The following LPP variants were observed in gnomAD, a reference collection of about 807,000 sequenced individuals.
LPP encodes the protein lipoma-preferred partner.
Under a neutral mutation model 60.4 loss-of-function variants are expected in LPP, and 38 were observed. The observed-to-expected ratio is 0.63, with a 90% CI of 0.49 to 0.83. The LOEUF is 0.83. Ranked by LOEUF, LPP falls within the 40% of genes least tolerant of loss-of-function variation. LPP has a pLI of 0.00. For missense variants in LPP, 902 were observed against 783.6 expected (o/e 1.15, Z -1.80); for synonymous variants, 328 against 290.8 (o/e 1.13, Z -1.30).
At chr3:188,701,944 C>CTTTT (rs35803152) in intron 7 of LPP, among the ~76,000 whole-genome samples, 112 of 83,584 alleles carry the variant, frequency 1.3e-3, no homozygotes, top group Non-Finnish European at 1.9e-3. Context: ...GTTTTTTTCC[C>CTTTT]TTTTTTTTTT....
intron 1 of LPP, among the ~76,000 whole-genome samples, chr3:188,168,542 A>C (rs923143200): frequency 6.6e-6 from 1 of 152,216 alleles, no homozygotes; most frequent in African/African-American, 2.4e-5. Flanking sequence ...TCATTCTTAA[A>C]TGAATAAACT....
intron 9 of LPP, among the ~76,000 whole-genome samples, chr3:188,801,083 C>A (rs1373929640): frequency 2.6e-5 from 4 of 152,078 alleles, no homozygotes; most frequent in African/African-American, 9.7e-5. Context: ...ACAGAATAGA[C>A]CAATTATTAC....
intron 7 of LPP, chr3:188,688,867 T>C (rs1428248634): frequency 5.8e-6 from 3 of 520,750 alleles, no homozygotes; most frequent in South Asian, 1.5e-5. Flanking sequence ...GGCAGGCACT[T>C]TCGTTCATCT....
At chr3:188,621,844 G>C (rs953577787) in intron 7 of LPP, among the ~76,000 whole-genome samples, 3 of 152,068 alleles carry the variant, frequency 2.0e-5, no homozygotes, top group African/African-American at 7.2e-5. Flanking sequence ...ATGTTTAGTA[G>C]AGATGGGGTT....
chr3:188,550,385 T>C (rs948076260), intron 6 of LPP, among the ~76,000 whole-genome samples: 3 of 152,014 alleles, frequency 2.0e-5, no homozygotes, highest in African/African-American at 7.2e-5. Context: ...GAGACCATCC[T>C]GGCTAACATG....
chr3:188,292,457 G>A (rs1746327030), intron 2 of LPP, among the ~76,000 whole-genome samples: 1 of 152,228 alleles, frequency 6.6e-6, no homozygotes, highest in Non-Finnish European at 1.5e-5. Flanking sequence ...ATTGCAGAGT[G>A]CCTTTATCTG....
rs1379145459 is a variant in LPP, at chr3:188,407,783, TG to T, written c.193+1471del. Among the ~76,000 whole-genome samples the T allele has an allele frequency of 2.0e-3, 122 of 61,370 alleles. 4 individuals are homozygous for T. Among genetic ancestry groups the T allele is most frequent in the African/African-American group, 3.8e-3 (75 of 19,842 alleles). The allele number at this position is 61,370 out of a possible 152,430, so 40.3% of individuals were successfully genotyped here. A position where few individuals can be genotyped will look rare whatever the true frequency, so the allele number is the denominator to read the frequency against. On this transcript the variant is annotated intron_variant, in intron 4 of 11. Coordinates refer to ENST00000617246, the MANE Select transcript of LPP (RefSeq NM_001375462.1). Reference sequence around the variant, plus strand: ...CTCATTTATGGTTTTTTTTTTTGTTTGTTTGTTTTTTTTTTTTTTTTTTTGA... The same window carrying T: ...CTCATTTATGGTTTTTTTTTTTGTTTTTTGTTTTTTTTTTTTTTTTTTTGA...
At chr3:188,280,122 T>C (rs915381292) in intron 2 of LPP, among the ~76,000 whole-genome samples, 1 of 152,188 alleles carries the variant, frequency 6.6e-6, no homozygotes, top group Non-Finnish European at 1.5e-5. Context: ...CTGCCTTTCG[T>C]TTTCAGTGAC....
chr3:188,271,373 C>T (rs1036378221), intron 2 of LPP, among the ~76,000 whole-genome samples: 3 of 152,162 alleles, frequency 2.0e-5, no homozygotes, highest in African/African-American at 7.2e-5. Context: ...GTCTGCTTCT[C>T]TCATGCATTG....
intron 7 of LPP, among the ~76,000 whole-genome samples, chr3:188,702,445 A>G (rs184007306): frequency 7.0e-4 from 105 of 150,172 alleles, no homozygotes; most frequent in African/African-American, 2.5e-3. Flanking sequence ...CTGAATTCAT[A>G]CCTGTGTTTT....
intron 9 of LPP, among the ~76,000 whole-genome samples, chr3:188,863,210 CAG>C (rs1297631153): frequency 7.2e-5 from 11 of 152,230 alleles, no homozygotes; most frequent in African/African-American, 2.4e-4. Context: ...AATACAATTA[CAG>C]AGTTTGAATT....
At chr3:188,720,958 C>A (rs1577192798) in intron 8 of LPP, among the ~76,000 whole-genome samples, 1 of 152,174 alleles carries the variant, frequency 6.6e-6, no homozygotes, top group Admixed American at 6.5e-5. Context: ...CCTCCACTGA[C>A]TCACCCTTTC....
In LPP at chr3:188,781,101, G is replaced by C. The variant is rs544000722; in HGVS notation, c.1410+20819G>C. On this transcript the variant is annotated intron_variant, in intron 9 of 11. Transcript: ENST00000617246. Reference sequence around the variant, plus strand: ...AGGAACTCACCGGGAGAAATAAAGAGGGTTTCCAGTTTATTCATTGTGTAA... The same window carrying C: ...AGGAACTCACCGGGAGAAATAAAGACGGTTTCCAGTTTATTCATTGTGTAA... 5.9e-5 allele frequency among the ~76,000 whole-genome samples: 9 copies of C among 152,330 alleles called. No individual in the cohort carries two copies. In the South Asian group the frequency reaches 1.9e-3, roughly 32 times the overall value.
At chr3:188,548,857 A>G (rs758759152) in intron 6 of LPP, among the ~76,000 whole-genome samples, 3 of 152,194 alleles carry the variant, frequency 2.0e-5, no homozygotes, top group Admixed American at 6.5e-5. Flanking sequence ...GCCCAACACT[A>G]TCAAGTGAGA....
At chr3:188,726,328 G>GTT (rs1213149612) in intron 8 of LPP, among the ~76,000 whole-genome samples, 1 of 152,088 alleles carries the variant, frequency 6.6e-6, no homozygotes, top group Non-Finnish European at 1.5e-5. Context: ...TCTATCTTGG[G>GTT]TGGGTAATGA....
chr3:188,618,371 T>C (rs1845236399), intron 7 of LPP, among the ~76,000 whole-genome samples: 2 of 152,346 alleles, frequency 1.3e-5, no homozygotes, highest in South Asian at 4.1e-4. Flanking sequence ...TTCAATCACT[T>C]ATAAAATTTA....
intron 2 of LPP, among the ~76,000 whole-genome samples, chr3:188,235,792 A>G (rs1318267746): frequency 6.6e-6 from 1 of 152,080 alleles, no homozygotes; most frequent in Non-Finnish European, 1.5e-5. Flanking sequence ...ACCATCCCCT[A>G]TTGTCAATGA....
intron 2 of LPP, among the ~76,000 whole-genome samples, chr3:188,233,876 A>C (rs1264087288): frequency 1.3e-5 from 2 of 151,892 alleles, no homozygotes; most frequent in Non-Finnish European, 2.9e-5. Context: ...GCCACCCTCC[A>C]TGGCCTCTGT....
intron 2 of LPP, among the ~76,000 whole-genome samples, chr3:188,338,884 G>A (rs1196887340): frequency 6.6e-6 from 1 of 152,098 alleles, no homozygotes; most frequent in African/African-American, 2.4e-5. Flanking sequence ...AGGTGTGGTG[G>A]AAAATTCAAA....
Sources: allele counts gnomAD v4.1 joint callset (sites outside exome capture counted in the v4.1 genomes callset), GRCh38; gene constraint gnomAD v4.1.1; transcripts MANE v1.5; gene names NCBI Gene and HGNC (gene_info 2026-07-23, HGNC 2026-07-21).